Variants in TOM1 observed in about 807,000 individuals in gnomAD.
The protein encoded by TOM1 is target of Myb protein 1.
TOM1 carries 38 observed loss-of-function variants against 61.3 expected under a neutral mutation model. That is an observed-to-expected ratio of 0.62 (90% CI 0.48 to 0.81). The LOEUF is 0.81. Ranked by LOEUF, TOM1 falls within the 40% of genes least tolerant of loss-of-function variation. The pLI is 0.00. For missense variants in TOM1, 591 were observed against 659.6 expected (o/e 0.90, Z 1.14); for synonymous variants, 270 against 268.8 (o/e 1.00, Z -0.04).
At chr22:35,341,956 A>T (rs1164682851) in intron 12 of TOM1, among the ~76,000 whole-genome samples, 1 of 152,108 alleles carries the variant, frequency 6.6e-6, no homozygotes, top group Non-Finnish European at 1.5e-5. Context: ...AAACCGTGAG[A>T]ACATGATTCC....
chr22:35,305,390 G>A (rs1168664122), intron 1 of TOM1, among the ~76,000 whole-genome samples: 3 of 152,278 alleles, frequency 2.0e-5, no homozygotes, highest in East Asian at 1.9e-4. Flanking sequence ...GGCCAGGCAC[G>A]GTGGCTCACG....
intron 12 of TOM1, among the ~76,000 whole-genome samples, chr22:35,343,224 CCA>C (rs1396278492): frequency 3.5e-5 from 5 of 140,854 alleles, no homozygotes; most frequent in Non-Finnish European, 4.6e-5. Flanking sequence ...CCTACACACA[CCA>C]CACACACATC....
rs150362231 is a variant in TOM1 at position 35,325,285 on chromosome 22, G to A, written c.648+1371G>A. Among the ~76,000 whole-genome samples, 1,299 of 152,270 alleles carry A rather than the reference G, an allele frequency of 8.5e-3. 15 individuals carry two copies. Among genetic ancestry groups the A allele is most frequent in the African/African-American group, 0.029 (1,215 of 41,550 alleles). On this transcript the variant is annotated intron_variant, in intron 6 of 14. Coordinates refer to ENST00000449058, the MANE Select transcript of TOM1 (RefSeq NM_005488.3). The stretch of plus-strand genomic sequence containing the variant: ...TAAGCGTCCCCACTGCCCACTTTTT[G>A]TATCATTTGAACTCATTCTCACCCT...
At position 35,333,566 on chromosome 22, in the gene TOM1, G is replaced by A. The variant is rs191882249; in HGVS notation, c.1027+69G>A. ...ACTGTGGGCACCCCTGCAGATTTTC[G>A]GGGTGCCCTTGTTATATACCCACAG... is the stretch of plus-strand genomic sequence containing the variant. On this transcript the variant is annotated intron_variant, in intron 10 of 14. Coordinates refer to ENST00000449058, the MANE Select transcript of TOM1 (RefSeq NM_005488.3). 2.4e-4 allele frequency: 352 copies of A among 1,441,708 alleles called. 1 individual carries two copies. The highest frequency in any genetic ancestry group is 1.6e-3 in the Admixed American group (89 of 56,764). The allele number at this position is 1,441,708 out of a possible 1,614,324, so 89.3% of individuals were successfully genotyped here.
chr22:35,323,401 G>A lies in TOM1; in HGVS notation c.367-95G>A. On this transcript the variant is annotated intron_variant, in intron 4 of 14. Transcript: ENST00000449058. The surrounding 1 kb of genome is among the most constrained non-coding windows in gnomAD (Gnocchi z 4.2). ...AGATGTAGTTAAAAAAAAAAAAAAA[G>A]CAGGGAAAGAATGTCTGTTCTCTGT... 4 of 1,390,298 alleles carry A rather than the reference G, an allele frequency of 2.9e-6. No homozygotes were observed. Among genetic ancestry groups the A allele is most frequent in the Non-Finnish European group, 3.9e-6 (4 of 1,024,186 alleles). The allele number at this position is 1,390,298 out of a possible 1,614,324, so 86.1% of individuals were successfully genotyped here. A position where few individuals can be genotyped will look rare whatever the true frequency, so the allele number is the denominator to read the frequency against.
At chr22:35,341,523 C>T (rs989813537) in intron 12 of TOM1, among the ~76,000 whole-genome samples, 3 of 152,132 alleles carry the variant, frequency 2.0e-5, no homozygotes, top group South Asian at 2.1e-4. Flanking sequence ...CGGGATTCAT[C>T]GGAACCAACA....
intron 7 of TOM1, among the ~76,000 whole-genome samples, chr22:35,329,455 A>G (rs562968264): frequency 9.2e-5 from 14 of 152,374 alleles, no homozygotes; most frequent in African/African-American, 2.9e-4. Flanking sequence ...AGTTTTGACA[A>G]ATGCCAGACT....
At chr22:35,301,720 C>T (rs1390517092) in intron 1 of TOM1, among the ~76,000 whole-genome samples, 1 of 152,100 alleles carries the variant, frequency 6.6e-6, no homozygotes, top group Non-Finnish European at 1.5e-5. Context: ...TCAATGCTCT[C>T]CAAGGGGGAG....
At chr22:35,302,945 A>T (rs1925972070) in intron 1 of TOM1, among the ~76,000 whole-genome samples, 1 of 152,094 alleles carries the variant, frequency 6.6e-6, no homozygotes, top group Non-Finnish European at 1.5e-5. Context: ...TAATTCTGTA[A>T]ACCAGGCCCC....
At chr22:35,327,444 T>G (rs1215710024) in intron 7 of TOM1, 57 bp downstream of exon 7, 27 of 1,235,902 alleles carry the variant, frequency 2.2e-5, no homozygotes, top group Admixed American at 1.8e-5. Flanking sequence ...GCTGCCCACA[T>G]GCATTCTTTC....
At chr22:35,342,285 T>C (rs1206376697) in intron 12 of TOM1, among the ~76,000 whole-genome samples, 2 of 152,224 alleles carry the variant, frequency 1.3e-5, no homozygotes, top group East Asian at 3.9e-4. Flanking sequence ...CTGACATGCC[T>C]GCTGTGTGCC....
At chr22:35,340,700 T>C (rs529741924) in intron 12 of TOM1, among the ~76,000 whole-genome samples, 14 of 151,762 alleles carry the variant, frequency 9.2e-5, no homozygotes, top group African/African-American at 3.1e-4. Context: ...TGAGCTGAGA[T>C]TGCACTACGA....
At chr22:35,345,622 G>C in intron 12 of TOM1, 103 bp from the exon 13 acceptor site, 1 of 1,163,620 alleles carries the variant, frequency 8.6e-7, no homozygotes. Context: ...GCTGAGGCTG[G>C]GGTGGGAGGC....
chr22:35,306,117 A>G (rs752828989), intron 1 of TOM1, among the ~76,000 whole-genome samples: 9 of 151,246 alleles, frequency 6.0e-5, no homozygotes, highest in Non-Finnish European at 1.2e-4. Flanking sequence ...TAATTTTCAC[A>G]TATCATGAAA....
At chr22:35,334,189 T>A in intron 10 of TOM1, 139 bp from the exon 11 acceptor site, 2 of 1,154,060 alleles carry the variant, frequency 1.7e-6, no homozygotes, top group Non-Finnish European at 2.4e-6. Context: ...CAGCAGCAGG[T>A]GGCCTGCCTC....
intron 12 of TOM1, among the ~76,000 whole-genome samples, chr22:35,343,113 AC>A (rs1930052059): frequency 2.0e-5 from 2 of 100,202 alleles, no homozygotes; most frequent in African/African-American, 4.2e-5. Flanking sequence ...CACCACACAC[AC>A]CCACACACAC....
At chr22:35,345,231 C>G (rs1930405405) in intron 12 of TOM1, 1 of 180,418 alleles carries the variant, frequency 5.5e-6, no homozygotes, top group South Asian at 1.3e-4. Flanking sequence ...ATCATGAAAT[C>G]TGCGTCTGCA....
At chr22:35,302,330 C>CTTTTTTTTTTTTTTTTTTT (rs138734) in intron 1 of TOM1, among the ~76,000 whole-genome samples, 9 of 70,938 alleles carry the variant, frequency 1.3e-4, no homozygotes, top group Admixed American at 2.0e-4. Context: ...TTTTCTTTTT[C>CTTTTTTTTTTTTTTTTTTT]TTTTTTTTTT....
intron 1 of TOM1, among the ~76,000 whole-genome samples, chr22:35,302,302 CTTTT>C (rs965801547): frequency 8.0e-6 from 1 of 125,122 alleles, no homozygotes; most frequent in African/African-American, 2.9e-5. Context: ...ATGTGAATTT[CTTTT>C]TTTTTCTTTT....
Sources: gnomAD v4.1 joint callset for allele counts (sites outside exome capture counted in the v4.1 genomes callset) on GRCh38, gnomAD v4.1.1 for gene constraint, Gnocchi (gnomAD v3.1) non-coding constraint, MANE v1.5 for transcripts, NCBI Gene and HGNC (gene_info 2026-07-23, HGNC 2026-07-21) for gene names.